Variants in SCAPER observed in about 807,000 individuals in gnomAD.
SCAPER encodes the protein S phase cyclin A-associated protein in the endoplasmic reticulum.
Under a neutral mutation model 182.2 loss-of-function variants are expected in SCAPER, and 98 were observed. That is an observed-to-expected ratio of 0.54 (90% CI 0.46 to 0.64). SCAPER has a LOEUF of 0.64. Among genes scored for constraint, SCAPER ranks in the 30% least tolerant of loss-of-function variants. The pLI is 0.00. For missense variants in SCAPER, 1,432 were observed against 1,690.0 expected (o/e 0.85, Z 2.68); for synonymous variants, 605 against 564.6 (o/e 1.07, Z -1.01).
At chr15:76,476,334 C>T (rs2050626291) in intron 24 of SCAPER, among the ~76,000 whole-genome samples, 2 of 152,156 alleles carry the variant, frequency 1.3e-5, no homozygotes, top group Non-Finnish European at 2.9e-5. Flanking sequence ...AGCAGCACCC[C>T]TGTGAATTTG....
intron 27 of SCAPER, among the ~76,000 whole-genome samples, chr15:76,399,294 C>T (rs757227858): frequency 1.3e-5 from 2 of 152,096 alleles, no homozygotes; most frequent in Admixed American, 6.6e-5. Context: ...CCTGCCACCA[C>T]TCTCAGCTAA....
At chr15:76,570,607 C>G (rs1183176679) in intron 23 of SCAPER, among the ~76,000 whole-genome samples, 3 of 152,100 alleles carry the variant, frequency 2.0e-5, no homozygotes, top group African/African-American at 7.2e-5. Context: ...CAGAAGATAG[C>G]AGGCATAGTT....
At chr15:76,568,190 CATATATATATAT>C (rs60959582) in intron 23 of SCAPER, among the ~76,000 whole-genome samples, 54,805 of 138,504 alleles carry the variant, frequency 0.4, 11,775 homozygotes, top group Middle Eastern at 0.5. Flanking sequence ...ATGGATCAAG[CATATATATATAT>C]ATATATATAT....
chr15:76,600,710 A>G lies in SCAPER; in HGVS notation c.2711+21054T>C, dbSNP rs1368061436. On this transcript the variant is annotated intron_variant, in intron 22 of 31. Transcript: ENST00000563290. ...GACGATCTGCCCACCTCGGCCTCCC[A>G]AAGTGCTGGGATTACAGGCGTGAGC... Among the ~76,000 whole-genome samples, 32 of 120,326 alleles carry G rather than the reference A, an allele frequency of 2.7e-4. 13 individuals carry two copies. Among genetic ancestry groups the G allele is most frequent in the Non-Finnish European group, 5.6e-4 (28 of 49,710 alleles). The allele number at this position is 120,326 out of a possible 152,430, so 78.9% of individuals were successfully genotyped here.
intron 1 of SCAPER, among the ~76,000 whole-genome samples, chr15:76,900,598 C>T (rs2074726341): frequency 1.3e-5 from 2 of 152,146 alleles, no homozygotes; most frequent in African/African-American, 2.4e-5. Context: ...ACTGAAGTCT[C>T]ACTTGTCTTA....
At chr15:76,868,454 C>T (rs889339505) in intron 2 of SCAPER, among the ~76,000 whole-genome samples, 2 of 151,744 alleles carry the variant, frequency 1.3e-5, no homozygotes, top group Non-Finnish European at 2.9e-5. Context: ...TTAACAAATT[C>T]AGTAAAGTTA....
chr15:76,392,090 A>G (rs577941209), intron 27 of SCAPER, among the ~76,000 whole-genome samples: 1 of 152,340 alleles, frequency 6.6e-6, no homozygotes, highest in East Asian at 1.9e-4. Context: ...CATATTAAAT[A>G]TAAGTTCCTG....
rs755600485 is a variant in SCAPER, at chr15:76,764,994, C to T, written c.1692G>A (p.Glu564=). 5.0e-6 allele frequency: 8 copies of T among 1,601,358 alleles called. No homozygotes were observed. In the East Asian group the frequency reaches 1.6e-4, roughly 31 times the overall value. ...AQQLREKLRE[E]KTLKLQKLLE... The stretch of plus-strand genomic sequence containing the variant: ...ACAATTTCTGAAGCTTCAATGTTTT[C>T]TCTTCGCGTAACTTTTCCCTTAGCT... The change falls in exon 14 of 32, where the codon GAG becomes GAA. Residue 564 remains glutamate, a synonymous_variant. Transcript: ENST00000563290.
intron 26 of SCAPER, among the ~76,000 whole-genome samples, chr15:76,426,061 G>A (rs1196887858): frequency 6.6e-5 from 10 of 152,212 alleles, no homozygotes. Context: ...TCGGGGGTCA[G>A]GGACCCACTT....
At chr15:76,388,892 T>A (rs944995505) in intron 27 of SCAPER, among the ~76,000 whole-genome samples, 3 of 150,246 alleles carry the variant, frequency 2.0e-5, no homozygotes, top group Non-Finnish European at 3.0e-5. Context: ...ACCCAGGAGG[T>A]GGAGGTTGCA....
chr15:76,885,793 T>A (rs1050958930), intron 1 of SCAPER, among the ~76,000 whole-genome samples: 3 of 152,180 alleles, frequency 2.0e-5, no homozygotes, highest in South Asian at 4.1e-4. Flanking sequence ...CTGGCCCTAT[T>A]TAAAATCATA....
chr15:76,549,351 C>A (rs1197128633), intron 23 of SCAPER, among the ~76,000 whole-genome samples: 1 of 152,114 alleles, frequency 6.6e-6, no homozygotes, highest in Non-Finnish European at 1.5e-5. Context: ...AGACTTGGAA[C>A]CAACCCAAAT....
chr15:76,759,145 C>A (rs542716083), intron 14 of SCAPER, among the ~76,000 whole-genome samples: 1 of 152,162 alleles, frequency 6.6e-6, no homozygotes, highest in East Asian at 1.9e-4. Context: ...TTGCCTTTTA[C>A]CAAATCATAG....
chr15:76,811,560 G>A (rs1163329058), intron 5 of SCAPER, among the ~76,000 whole-genome samples: 1 of 152,234 alleles, frequency 6.6e-6, no homozygotes, highest in Non-Finnish European at 1.5e-5. Context: ...GGAGGCCAAG[G>A]CTGGTGGATC....
chr15:76,437,548 C>T (rs1166189004), intron 25 of SCAPER, among the ~76,000 whole-genome samples: 1 of 152,180 alleles, frequency 6.6e-6, no homozygotes, highest in Non-Finnish European at 1.5e-5. Flanking sequence ...TTCTTTTACA[C>T]ACTACACAAA....
At position 76,348,574 on chromosome 15, in the gene SCAPER, T is replaced by G; in HGVS notation, c.*59A>C. 2 of 1,179,968 alleles carry G rather than the reference T, an allele frequency of 1.7e-6. No individual in the cohort carries two copies. The highest frequency in any genetic ancestry group is 4.9e-5 in the Admixed American group (2 of 40,974). The allele number at this position is 1,179,968 out of a possible 1,614,324, so 73.1% of individuals were successfully genotyped here. On this transcript the variant is annotated 3_prime_UTR_variant, in exon 32 of 32. Coordinates refer to ENST00000563290, the MANE Select transcript of SCAPER (RefSeq NM_020843.4). ...AGTTCTTAAGGAACAATTAGAATGT[T>G]TGTTTGGACAATTTAAAATATTAAC...
chr15:76,381,204 C>T (rs541956151), intron 28 of SCAPER, 174 bp downstream of exon 28: 1 of 352,810 alleles, frequency 2.8e-6, no homozygotes, highest in African/African-American at 2.1e-5. Context: ...TGTTATAGAG[C>T]ATCTAATACA....
At chr15:76,427,325 G>A (rs371647214) in intron 26 of SCAPER, among the ~76,000 whole-genome samples, 12 of 152,170 alleles carry the variant, frequency 7.9e-5, no homozygotes, top group Middle Eastern at 3.4e-3. Context: ...ATCTGATAAC[G>A]GGTTAATATC....
At chr15:76,900,015 G>A (rs1319630416) in intron 1 of SCAPER, among the ~76,000 whole-genome samples, 1 of 152,184 alleles carries the variant, frequency 6.6e-6, no homozygotes, top group African/African-American at 2.4e-5. Flanking sequence ...TCTGCCTTGG[G>A]ATGCTGTTAA....
Sources: gnomAD v4.1 joint callset for allele counts (sites outside exome capture counted in the v4.1 genomes callset) on GRCh38, gnomAD v4.1.1 for gene constraint, MANE v1.5 for transcripts, NCBI Gene and HGNC (gene_info 2026-07-23, HGNC 2026-07-21) for gene names.